TEKT5: variants seen among roughly 807,000 people sequenced by gnomAD.
The protein encoded by TEKT5 is tektin 5, also known as tektin-5.
A neutral mutation model predicts 48.7 loss-of-function variants in TEKT5; 52 were observed. The observed-to-expected ratio is 1.07, with a 90% confidence interval of 0.86 to 1.35. The LOEUF (loss-of-function observed/expected upper bound fraction) is 1.35, where lower values mean the gene tolerates loss of function less well. Ranked by LOEUF, TEKT5 falls within the 40% of genes most tolerant of loss-of-function variation. The pLI is 0.00. For missense variants in TEKT5, 831 were observed against 641.6 expected (o/e 1.30, Z -3.19); for synonymous variants, 318 against 267.6 (o/e 1.19, Z -1.84).
intron 5 of TEKT5, among the ~76,000 whole-genome samples, chr16:10,651,992 T>C (rs962618979): frequency 3.3e-5 from 5 of 152,068 alleles, no homozygotes; most frequent in African/African-American, 1.2e-4. Flanking sequence ...AGGATAAGCA[T>C]TGGCACCAGA....
intron 6 of TEKT5, among the ~76,000 whole-genome samples, chr16:10,632,777 C>T (rs1447399496): frequency 6.6e-6 from 1 of 151,822 alleles, no homozygotes; most frequent in Non-Finnish European, 1.5e-5. Context: ...ACAATTTAGC[C>T]ACTGGAGAAG....
At chr16:10,673,876 T>A (rs1454481967) in intron 5 of TEKT5, among the ~76,000 whole-genome samples, 2 of 152,044 alleles carry the variant, frequency 1.3e-5, no homozygotes, top group East Asian at 1.9e-4. Context: ...GGTCTCGAAC[T>A]CCTGACCTCA....
intron 5 of TEKT5, among the ~76,000 whole-genome samples, chr16:10,675,483 A>C (rs1229579246): frequency 6.6e-6 from 1 of 151,974 alleles, no homozygotes; most frequent in Non-Finnish European, 1.5e-5. Context: ...AGTGCTGCAG[A>C]CTCCTCAGAT....
chr16:10,688,582 A>G (rs143977802), intron 3 of TEKT5, among the ~76,000 whole-genome samples: 1 of 152,326 alleles, frequency 6.6e-6, no homozygotes, highest in African/African-American at 2.4e-5. Context: ...GCGTGCCCTG[A>G]AAGAGTCAAA....
chr16:10,652,825 A>G (rs559039090), intron 5 of TEKT5, among the ~76,000 whole-genome samples: 1 of 108,272 alleles, frequency 9.2e-6, no homozygotes, highest in South Asian at 3.0e-4. Context: ...GATCCCTTAT[A>G]TACACAGGCA....
intron 5 of TEKT5, among the ~76,000 whole-genome samples, chr16:10,643,262 C>G (rs541272161): frequency 5.1e-4 from 78 of 152,004 alleles, no homozygotes; most frequent in Admixed American, 1.6e-3. Flanking sequence ...GTCTATAGTC[C>G]TAGCTAGTCA....
chr16:10,632,029 T>A (rs553198794), intron 6 of TEKT5, among the ~76,000 whole-genome samples: 7 of 152,186 alleles, frequency 4.6e-5, no homozygotes, highest in East Asian at 1.9e-4. Context: ...GAAGAGACAG[T>A]GAAACTGTGC....
At chr16:10,665,136 T>G (rs769079307) in intron 5 of TEKT5, among the ~76,000 whole-genome samples, 2 of 152,084 alleles carry the variant, frequency 1.3e-5, no homozygotes, top group Non-Finnish European at 2.9e-5. Context: ...ATGTCAAAGC[T>G]GGAGCATAGG....
At chr16:10,628,301 G>A (rs1380957603) in intron 6 of TEKT5, among the ~76,000 whole-genome samples, 1 of 152,208 alleles carries the variant, frequency 6.6e-6, no homozygotes, top group Non-Finnish European at 1.5e-5. Context: ...CAAGAGAACT[G>A]TCAAGGGTAA....
At chr16:10,675,453 C>T (rs568744245) in intron 5 of TEKT5, among the ~76,000 whole-genome samples, 15 of 152,282 alleles carry the variant, frequency 9.9e-5, no homozygotes, top group South Asian at 8.3e-4. Context: ...AGGCATAGCA[C>T]GCAGACGACA....
At chr16:10,653,078 C>T (rs187400884) in intron 5 of TEKT5, among the ~76,000 whole-genome samples, 119 of 152,332 alleles carry the variant, frequency 7.8e-4, no homozygotes, top group African/African-American at 2.8e-3. Flanking sequence ...GGATGTTAAC[C>T]TTCCTGTTCC....
At chr16:10,667,756 C>T (rs1242794580) in intron 5 of TEKT5, among the ~76,000 whole-genome samples, 1 of 152,166 alleles carries the variant, frequency 6.6e-6, no homozygotes, top group Non-Finnish European at 1.5e-5. Flanking sequence ...CAGCCTGTTT[C>T]AGGCTTTAAC....
At chr16:10,633,010 C>A (rs1230228253) in intron 6 of TEKT5, among the ~76,000 whole-genome samples, 2 of 152,136 alleles carry the variant, frequency 1.3e-5, no homozygotes, top group African/African-American at 2.4e-5. Flanking sequence ...AGGCAGAGAG[C>A]TTGCCCCAAA....
chr16:10,687,544 G>A (rs1272671742), intron 3 of TEKT5, among the ~76,000 whole-genome samples: 1 of 152,248 alleles, frequency 6.6e-6, no homozygotes, highest in African/African-American at 2.4e-5. Context: ...CCTGAGGTCA[G>A]GAGTTCCAGA....
At chr16:10,690,515 G>C in intron 1 of TEKT5, 1 of 953,028 alleles carries the variant, frequency 1.0e-6, no homozygotes, top group Non-Finnish European at 1.2e-6. Flanking sequence ...TGCCATATTG[G>C]TGCCTATCTC....
At chr16:10,675,437 T>A (rs1355275015) in intron 5 of TEKT5, among the ~76,000 whole-genome samples, 1 of 152,082 alleles carries the variant, frequency 6.6e-6, no homozygotes, top group Non-Finnish European at 1.5e-5. Context: ...AAGGGCACAC[T>A]GGTGTAGGCA....
intron 4 of TEKT5, among the ~76,000 whole-genome samples, chr16:10,681,789 C>A (rs1472895333): frequency 6.6e-6 from 1 of 151,998 alleles, no homozygotes; most frequent in African/African-American, 2.4e-5. Context: ...GTTCGTGGCT[C>A]CCCCATACCT....
In TEKT5 at chr16:10,689,934, T is replaced by C. The variant is rs777343606; in HGVS notation, c.648+8A>G. 13 of 1,613,902 alleles carry C rather than the reference T, an allele frequency of 8.1e-6. No homozygotes were observed. Among genetic ancestry groups the C allele is most frequent in the South Asian group, 1.1e-5 (1 of 91,058 alleles). On this transcript the variant is annotated splice_region_variant and intron_variant, in intron 2 of 6. Coordinates refer to ENST00000283025, the MANE Select transcript of TEKT5 (RefSeq NM_144674.2). ...CAGGGGGCTGGGCAGAACCAGGAGA[T>C]GCCTTACCCGGATAAGGTTTTTCTC...
chr16:10,669,280 C>T (rs1898514240), intron 5 of TEKT5, among the ~76,000 whole-genome samples: 1 of 148,798 alleles, frequency 6.7e-6, no homozygotes, highest in South Asian at 2.1e-4. Context: ...CATGGTTAAA[C>T]CCTATCTCTA....
Sources: allele counts gnomAD v4.1 joint callset (sites outside exome capture counted in the v4.1 genomes callset), GRCh38; gene constraint gnomAD v4.1.1; transcripts MANE v1.5; gene names NCBI Gene and HGNC (gene_info 2026-07-23, HGNC 2026-07-21).